The following ARHGAP24 variants were observed in gnomAD, a reference collection of about 807,000 sequenced individuals.
The protein encoded by ARHGAP24 is rho GTPase-activating protein 24.
ARHGAP24 carries 50 observed loss-of-function variants against 76.4 expected under a neutral mutation model. The ratio of observed to expected loss-of-function variants is 0.65; its 90% confidence interval spans 0.52 to 0.83. The LOEUF (loss-of-function observed/expected upper bound fraction) is 0.83, where lower values mean the gene tolerates loss of function less well. Among genes scored for constraint, ARHGAP24 ranks in the 40% least tolerant of loss-of-function variants. ARHGAP24 has a pLI of 0.00. For missense variants in ARHGAP24, 930 were observed against 914.2 expected, an observed-to-expected ratio of 1.02 and a Z score of -0.22; for synonymous variants, 345 against 323.3, an observed-to-expected ratio of 1.07 and a Z score of -0.72.
At chr4:85,789,591 G>A (rs1254224143) in intron 3 of ARHGAP24, among the ~76,000 whole-genome samples, 1 of 152,186 alleles carries the variant, frequency 6.6e-6, no homozygotes. Context: ...TGAGAGCCAA[G>A]TGGTAGTACA....
intron 2 of ARHGAP24, among the ~76,000 whole-genome samples, chr4:85,572,404 C>T (rs1416612340): frequency 6.6e-6 from 1 of 152,116 alleles, no homozygotes; most frequent in Admixed American, 6.5e-5. Context: ...CAGAGTTCCT[C>T]AAACTAGAAT....
chr4:85,845,975 G>A (rs902727958), intron 3 of ARHGAP24, among the ~76,000 whole-genome samples: 3 of 151,462 alleles, frequency 2.0e-5, no homozygotes, highest in Non-Finnish European at 2.9e-5. Flanking sequence ...GCGCGATCTC[G>A]GCTCACTGCA....
intron 3 of ARHGAP24, among the ~76,000 whole-genome samples, chr4:85,820,697 C>T (rs541598907): frequency 6.6e-6 from 1 of 152,240 alleles, no homozygotes; most frequent in African/African-American, 2.4e-5. Flanking sequence ...TACAGTGACA[C>T]TGAGGAGTTT....
Position 86,001,672 on chromosome 4 carries a change from C to T in ARHGAP24, c.*950C>T. ...CTCCCACTCAAACCTCTCCCATCTC[C>T]CAACAACTGCACTTTAGAATACCAG... On this transcript the variant is annotated 3_prime_UTR_variant, in exon 10 of 10. Coordinates refer to ENST00000395184, the MANE Select transcript of ARHGAP24 (RefSeq NM_001025616.3). 1 of 376,136 alleles carries T rather than the reference C, an allele frequency of 2.7e-6. No homozygotes were observed. The highest frequency in any genetic ancestry group is 4.7e-6 in the Non-Finnish European group (1 of 212,656). 23.3% of individuals were successfully genotyped at this position (376,136 alleles called of 1,614,324 possible).
intron 1 of ARHGAP24, among the ~76,000 whole-genome samples, chr4:85,518,417 A>G (rs900061300): frequency 5.3e-5 from 8 of 152,042 alleles, no homozygotes; most frequent in Non-Finnish European, 1.0e-4. Context: ...ATTTGGTTAC[A>G]TGAGTAAGTT....
intron 2 of ARHGAP24, among the ~76,000 whole-genome samples, chr4:85,626,315 C>T (rs1435391147): frequency 1.3e-5 from 2 of 152,100 alleles, no homozygotes; most frequent in Non-Finnish European, 2.9e-5. Context: ...GATTTTATTT[C>T]TCCTTCACTT....
intron 3 of ARHGAP24, among the ~76,000 whole-genome samples, chr4:85,844,177 G>A (rs1385999571): frequency 6.6e-6 from 1 of 152,104 alleles, no homozygotes; most frequent in Non-Finnish European, 1.5e-5. Context: ...TGATATGCTA[G>A]GGAAGTTTTA....
intron 2 of ARHGAP24, among the ~76,000 whole-genome samples, chr4:85,646,690 A>C (rs1348496723): frequency 6.6e-6 from 1 of 152,094 alleles, no homozygotes; most frequent in African/African-American, 2.4e-5. Context: ...AAAATCTCTA[A>C]TTTATTTGCC....
intron 3 of ARHGAP24, among the ~76,000 whole-genome samples, chr4:85,743,636 G>C (rs2110062020): frequency 6.6e-6 from 1 of 152,040 alleles, no homozygotes; most frequent in South Asian, 2.1e-4. Flanking sequence ...AAGAGAAGCA[G>C]AACTGTTGTA....
chr4:85,911,422 G>A (rs1735077505), intron 3 of ARHGAP24, among the ~76,000 whole-genome samples: 1 of 152,132 alleles, frequency 6.6e-6, no homozygotes, highest in Non-Finnish European at 1.5e-5. Context: ...CAATGAAAAA[G>A]TCCTGGCAAC....
chr4:85,547,052 A>G (rs1725947560), intron 1 of ARHGAP24, among the ~76,000 whole-genome samples: 1 of 152,194 alleles, frequency 6.6e-6, no homozygotes. Flanking sequence ...TGAAATGATC[A>G]AAAAAAGAAA....
At chr4:85,496,316 G>A (rs1195950861) in intron 1 of ARHGAP24, among the ~76,000 whole-genome samples, 1 of 152,226 alleles carries the variant, frequency 6.6e-6, no homozygotes, top group Non-Finnish European at 1.5e-5. Flanking sequence ...TTCAGGCTTA[G>A]CATTTGTAAA....
chr4:85,523,217 T>C (rs1260856469), intron 1 of ARHGAP24, among the ~76,000 whole-genome samples: 3 of 152,202 alleles, frequency 2.0e-5, no homozygotes, highest in Non-Finnish European at 4.4e-5. Flanking sequence ...GCACTTTCCC[T>C]TGTGTCACCT....
intron 2 of ARHGAP24, among the ~76,000 whole-genome samples, chr4:85,613,532 AT>A: frequency 6.6e-6 from 1 of 152,126 alleles, no homozygotes; most frequent in East Asian, 1.9e-4. Flanking sequence ...AAACAATTTT[AT>A]TTTCCTGCAC....
intron 3 of ARHGAP24, among the ~76,000 whole-genome samples, chr4:85,738,525 A>T (rs1398145547): frequency 6.6e-6 from 1 of 151,778 alleles, no homozygotes; most frequent in East Asian, 1.9e-4. Flanking sequence ...CTTTTACTTT[A>T]CTGGTGGTGT....
chr4:85,734,487 A>G (rs1281466778), intron 3 of ARHGAP24, among the ~76,000 whole-genome samples: 4 of 152,168 alleles, frequency 2.6e-5, no homozygotes. Flanking sequence ...AGCCAAAGGG[A>G]GCACTTGATA....
intron 2 of ARHGAP24, among the ~76,000 whole-genome samples, chr4:85,589,285 G>A (rs887794806): frequency 6.6e-6 from 1 of 152,156 alleles, no homozygotes; most frequent in African/African-American, 2.4e-5. Context: ...TAAACCAGTA[G>A]AAGATTGCAT....
chr4:85,524,185 C>G (rs1724894343), intron 1 of ARHGAP24, among the ~76,000 whole-genome samples: 4 of 152,138 alleles, frequency 2.6e-5, no homozygotes, highest in Admixed American at 6.6e-5. Context: ...GAGAATTCCG[C>G]TACAGAATTC....
chr4:85,880,833 T>C (rs187400892), intron 3 of ARHGAP24, among the ~76,000 whole-genome samples: 1 of 152,330 alleles, frequency 6.6e-6, no homozygotes, highest in African/African-American at 2.4e-5. Flanking sequence ...AATGTGGCCT[T>C]AACCTTTGCA....
Sources: gnomAD v4.1 joint callset for allele counts (sites outside exome capture counted in the v4.1 genomes callset) on GRCh38, gnomAD v4.1.1 for gene constraint, MANE v1.5 for transcripts, NCBI Gene and HGNC (gene_info 2026-07-23, HGNC 2026-07-21) for gene names.